ZNF625: variants seen among roughly 807,000 people sequenced by gnomAD.
The protein encoded by ZNF625 is zinc finger protein 625.
ZNF625 carries 8 observed loss-of-function variants against 11.1 expected under a neutral mutation model. The observed-to-expected ratio is 0.72, with a 90% CI of 0.42 to 1.30. The LOEUF is 1.30. Among genes scored for constraint, ZNF625 ranks in the 50% most tolerant of loss-of-function variants. The pLI is 0.01. For synonymous variants in ZNF625, 145 were observed against 153.4 expected (o/e 0.95, Z 0.41); for missense variants, 349 against 447.6 (o/e 0.78, Z 1.99).
chr19:12,156,600 C>A lies in ZNF625; in HGVS notation c.-42G>T. On this transcript the variant is annotated 5_prime_UTR_variant, in exon 1 of 4. In the 5' UTR this introduces an upstream ATG that the reference lacks. Transcript: ENST00000439556. ...GTCCTGGCCTCCTCTCCACGGATCC[C>A]TCTAACAGTCCAGTCACAGTGCGGG... The A allele has an allele frequency of 7.6e-7, 1 of 1,317,818 alleles. No individual in the cohort carries two copies. The allele number at this position is 1,317,818 out of a possible 1,614,324, so 81.6% of individuals were successfully genotyped here.
Position 12,147,799 on chromosome 19 carries a change from A to C in ZNF625, c.7T>G (p.Ser3Ala). 6.2e-7 allele frequency: 1 copy of C among 1,613,942 alleles called. No individual in the cohort carries two copies. Among genetic ancestry groups the C allele is most frequent in the Non-Finnish European group, 8.5e-7 (1 of 1,179,958 alleles). The change falls in exon 2 of 4, where the codon TCA (serine) becomes GCA (alanine). Residue 3 changes from serine (S) to alanine (A), a missense_variant. By Grantham distance (99) the Ser-to-Ala change is moderately conservative. Transcript: ENST00000439556. MD[S>A]VVFEDVDVNF... ...ACATCTACATCCTCAAAGACCACTG[A>C]ATCCTGAAACATCCCACATGTGTAA... is the stretch of plus-strand genomic sequence containing the variant.
At chr19:12,154,793 T>A (rs1175556507) in intron 1 of ZNF625, among the ~76,000 whole-genome samples, 1 of 152,202 alleles carries the variant, frequency 6.6e-6, no homozygotes, top group Non-Finnish European at 1.5e-5. Flanking sequence ...AGTGGCTCTT[T>A]ACCAAGGGGA....
At chr19:12,152,236 G>A (rs760935338) in intron 1 of ZNF625, among the ~76,000 whole-genome samples, 2 of 151,700 alleles carry the variant, frequency 1.3e-5, no homozygotes, top group Non-Finnish European at 2.9e-5. Flanking sequence ...ATATGTACAT[G>A]TATATGTGTA....
intron 1 of ZNF625, among the ~76,000 whole-genome samples, chr19:12,156,334 G>A (rs1046865205): frequency 6.6e-6 from 1 of 152,192 alleles, no homozygotes. Context: ...CAGGGCCGGG[G>A]TCGCAGTCGC....
At chr19:12,156,438 G>A (rs924817657) in intron 1 of ZNF625, 118 bp downstream of exon 1, 3 of 807,448 alleles carry the variant, frequency 3.7e-6, no homozygotes, top group Non-Finnish European at 5.1e-6. Context: ...ACGCCAGGGG[G>A]ACTCCGCTCT....
At chr19:12,150,289 T>G (rs979896900) in intron 1 of ZNF625, among the ~76,000 whole-genome samples, 1 of 152,166 alleles carries the variant, frequency 6.6e-6, no homozygotes, top group Non-Finnish European at 1.5e-5. Context: ...GATTTGTTGT[T>G]GTCCCCATGA....
chr19:12,151,200 AT>A (rs1976949537), intron 1 of ZNF625, among the ~76,000 whole-genome samples: 1 of 140,998 alleles, frequency 7.1e-6, no homozygotes, highest in African/African-American at 2.6e-5. Flanking sequence ...ATACTCTTGT[AT>A]TTCTTTTTTT....
intron 1 of ZNF625, among the ~76,000 whole-genome samples, chr19:12,153,397 C>G (rs1448390959): frequency 6.7e-6 from 1 of 149,726 alleles, no homozygotes; most frequent in Non-Finnish European, 1.5e-5. Context: ...AGTAAAGACA[C>G]ATGCACGGCT....
At chr19:12,155,861 G>A (rs1977018710) in intron 1 of ZNF625, among the ~76,000 whole-genome samples, 1 of 151,786 alleles carries the variant, frequency 6.6e-6, no homozygotes, top group Non-Finnish European at 1.5e-5. Context: ...TTTTTGTTTT[G>A]TTTTGTTTGA....
At chr19:12,149,801 G>A (rs772990125) in intron 1 of ZNF625, among the ~76,000 whole-genome samples, 6 of 151,634 alleles carry the variant, frequency 4.0e-5, no homozygotes, top group African/African-American at 7.3e-5. Flanking sequence ...GTGCAATGGC[G>A]CGCTCTTGGC....
chr19:12,150,882 G>A (rs1439882183), intron 1 of ZNF625, among the ~76,000 whole-genome samples: 1 of 152,056 alleles, frequency 6.6e-6, no homozygotes, highest in African/African-American at 2.4e-5. Context: ...GGGGACTGTG[G>A]ATACACCATT....
At position 12,147,421 on chromosome 19, in the gene ZNF625, C is replaced by T. The variant is rs1976892431; in HGVS notation, c.165G>A (p.Glu55=). Residue 55 remains glutamate, a synonymous_variant, in exon 3 of 4, where the codon GAG becomes GAA. Coordinates refer to ENST00000439556, the MANE Select transcript of ZNF625 (RefSeq NM_145233.4). ...KKWKDQKIED[E]YKNPRRNLRG... The stretch of plus-strand genomic sequence containing the variant: ...TTAGGTTTCTCCTGGGATTTTTGTA[C>T]TCATCTTCAATTTTCTGATCTTTCC... The T allele has an allele frequency of 1.3e-6, 2 of 1,536,214 alleles. No individual in the cohort carries two copies. The highest frequency in any genetic ancestry group is 8.7e-7 in the Non-Finnish European group (1 of 1,145,606).
At chr19:12,153,466 C>T (rs930913074) in intron 1 of ZNF625, among the ~76,000 whole-genome samples, 1 of 151,798 alleles carries the variant, frequency 6.6e-6, no homozygotes, top group Middle Eastern at 3.4e-3. Context: ...GGGTGGATCA[C>T]CTGAGGTCAG....
chr19:12,152,107 T>C (rs1325706437), intron 1 of ZNF625, among the ~76,000 whole-genome samples: 1 of 152,150 alleles, frequency 6.6e-6, no homozygotes, highest in Non-Finnish European at 1.5e-5. Context: ...ACTATAACAG[T>C]ATAATGCCAT....
Position 12,145,852 on chromosome 19 carries a change from A to G in ZNF625, c.564T>C (p.Asp188=), listed in dbSNP as rs1304429035. 1 of 1,614,214 alleles carries G rather than the reference A, an allele frequency of 6.2e-7. No individual in the cohort carries two copies. Among genetic ancestry groups the G allele is most frequent in the East Asian group, 2.2e-5 (1 of 44,880 alleles). ...CACAAAAGTTACATTTGTAGGGTCC[A>G]TCTCCACTGTGCATTATCCTGTGTC... ...IRRHRIMHSG[D]GPYKCNFCGK... is the part of the protein sequence containing the mutation. Residue 188 remains aspartate (D), a synonymous_variant, in exon 4 of 4, where the codon GAT becomes GAC. Transcript: ENST00000439556.
At position 12,146,062 on chromosome 19, in the gene ZNF625, A is replaced by T; in HGVS notation, c.354T>A (p.Ala118=). Residue 118 remains alanine (A), a synonymous_variant, in exon 4 of 4, where the codon GCT becomes GCA. Transcript: ENST00000439556. The part of the protein sequence containing the change: ...GHASLNRHHR[A]DTGHKPYEYQ... ...ACTCATATGGCTTGTGTCCAGTGTC[A>T]GCTCTGTGGTGCCTATTAAGGGATG... 6.2e-7 allele frequency: 1 copy of T among 1,614,108 alleles called. No individual in the cohort carries two copies. The highest frequency in any genetic ancestry group is 8.5e-7 in the Non-Finnish European group (1 of 1,180,038).
chr19:12,156,006 C>A (rs909797578), intron 1 of ZNF625, among the ~76,000 whole-genome samples: 1 of 152,064 alleles, frequency 6.6e-6, no homozygotes, highest in East Asian at 1.9e-4. Context: ...GGCGGCACCA[C>A]GCCCGGCTCA....
At chr19:12,156,402 C>T (rs1177678363) in intron 1 of ZNF625, among the ~76,000 whole-genome samples, 154 bp downstream of exon 1, 1 of 152,064 alleles carries the variant, frequency 6.6e-6, no homozygotes, top group African/African-American at 2.4e-5. Context: ...CCCCACCCTG[C>T]GGCCGAAGGG....
intron 1 of ZNF625, among the ~76,000 whole-genome samples, chr19:12,148,205 C>T (rs557286337): frequency 1.9e-4 from 29 of 152,270 alleles, no homozygotes; most frequent in African/African-American, 7.0e-4. Context: ...GTCTCCAACT[C>T]CTGACCACAA....
Sources: gnomAD v4.1 joint callset for allele counts (sites outside exome capture counted in the v4.1 genomes callset) on GRCh38, gnomAD v4.1.1 for gene constraint, MANE v1.5 for transcripts, NCBI Gene and HGNC (gene_info 2026-07-23, HGNC 2026-07-21) for gene names.